CNTLN: variants seen among roughly 807,000 people sequenced by gnomAD.
The protein encoded by CNTLN is centlein.
In CNTLN, 212 loss-of-function variants were observed where a neutral mutation model predicts 180.0. The observed-to-expected ratio is 1.18, with a 90% CI of 1.05 to 1.32. CNTLN has a LOEUF of 1.32. Ranked by LOEUF, CNTLN falls within the 40% of genes most tolerant of loss-of-function variation. The pLI is 0.00. For synonymous variants in CNTLN, 722 were observed against 563.1 expected (o/e 1.28, Z -3.99); for missense variants, 2,095 against 1,610.9 (o/e 1.30, Z -5.14).
chr9:17,416,095 T>A lies in CNTLN; in HGVS notation c.3020T>A (p.Leu1007Ter). The A allele has an allele frequency of 4.3e-6, 7 of 1,613,634 alleles. No individual in the cohort carries two copies. The highest frequency in any genetic ancestry group is 5.9e-6 in the Non-Finnish European group (7 of 1,179,744). ...VLQNAKKTAELSVKEYKEVNE... is the reference protein window; with the variant it reads ...VLQNAKKTAE Reference sequence around the variant, plus strand: ...CAGAATGCCAAGAAAACAGCAGAATTGTCTGTTAAAGAATATAAAGAAGTT... The same window carrying A: ...CAGAATGCCAAGAAAACAGCAGAATAGTCTGTTAAAGAATATAAAGAAGTT... The change falls in exon 18 of 26, where the codon TTG (leucine) becomes TAG (stop). Residue 1007 changes from leucine to a stop codon, truncating the protein, a stop_gained. Coordinates refer to ENST00000380647, the MANE Select transcript of CNTLN (RefSeq NM_017738.4). LOFTEE classifies it high-confidence loss of function.
intron 18 of CNTLN, among the ~76,000 whole-genome samples, chr9:17,438,047 G>A (rs1209289551): frequency 6.6e-6 from 1 of 152,236 alleles, no homozygotes; most frequent in East Asian, 1.9e-4. Context: ...TGAATAATCT[G>A]GTTTGGCTGT....
chr9:17,178,700 A>C (rs886585556), intron 2 of CNTLN, among the ~76,000 whole-genome samples: 1 of 151,836 alleles, frequency 6.6e-6, no homozygotes, highest in Non-Finnish European at 1.5e-5. Flanking sequence ...CCGAGCCCAC[A>C]CCCACCCGGA....
intron 2 of CNTLN, among the ~76,000 whole-genome samples, chr9:17,199,066 A>AATGGTAT (rs1035358205): frequency 6.6e-6 from 1 of 152,082 alleles, no homozygotes; most frequent in Non-Finnish European, 1.5e-5. Context: ...TGCTGAGTCA[A>AATGGTAT]ATGGTATTTC....
chr9:17,313,991 C>T (rs1254213961), intron 8 of CNTLN, among the ~76,000 whole-genome samples: 2 of 152,060 alleles, frequency 1.3e-5, no homozygotes, highest in African/African-American at 4.8e-5. Flanking sequence ...GCCTTGGCCT[C>T]CTGAAGTGCT....
At chr9:17,203,761 G>A (rs1822719358) in intron 2 of CNTLN, among the ~76,000 whole-genome samples, 1 of 152,274 alleles carries the variant, frequency 6.6e-6, no homozygotes, top group African/African-American at 2.4e-5. Flanking sequence ...GTTTCACCAC[G>A]TTAGCCAGGA....
intron 25 of CNTLN, chr9:17,494,923 C>G (rs768664571): frequency 1.1e-4 from 48 of 423,556 alleles, no homozygotes; most frequent in African/African-American, 9.0e-4. Flanking sequence ...GCTCTGTCTC[C>G]CAGGCTGAAG....
chr9:17,190,152 C>G (rs899413013), intron 2 of CNTLN, among the ~76,000 whole-genome samples: 45 of 149,110 alleles, frequency 3.0e-4, no homozygotes, highest in African/African-American at 6.2e-4. Flanking sequence ...AACACTGTCT[C>G]TATCTAGTAA....
intron 6 of CNTLN, among the ~76,000 whole-genome samples, chr9:17,287,520 A>C (rs1829064129): frequency 1.3e-5 from 2 of 151,386 alleles, no homozygotes; most frequent in Middle Eastern, 6.9e-3. Context: ...TGCTGGCCTC[A>C]TAAAATGAGT....
intron 15 of CNTLN, among the ~76,000 whole-genome samples, chr9:17,407,880 C>G (rs1827516032): frequency 6.6e-6 from 1 of 152,014 alleles, no homozygotes; most frequent in Non-Finnish European, 1.5e-5. Flanking sequence ...AATCCCAGCA[C>G]TTTGGGAGGC....
intron 2 of CNTLN, among the ~76,000 whole-genome samples, chr9:17,157,153 A>G (rs1819352807): frequency 6.6e-6 from 1 of 152,186 alleles, no homozygotes; most frequent in African/African-American, 2.4e-5. Flanking sequence ...TTCAGCCAGC[A>G]TGTTTTGAGA....
At chr9:17,352,416 A>ATATATATATATATATATATAT (rs1469636947) in intron 12 of CNTLN, among the ~76,000 whole-genome samples, 1 of 31,304 alleles carries the variant, frequency 3.2e-5, no homozygotes, top group African/African-American at 1.2e-4. Context: ...ATATATATAT[A>ATATATATATATATATATATAT]TTTTTTTTTT....
At chr9:17,377,894 T>C (rs1824909626) in intron 13 of CNTLN, among the ~76,000 whole-genome samples, 2 of 152,220 alleles carry the variant, frequency 1.3e-5, no homozygotes, top group East Asian at 3.9e-4. Context: ...AAATAGAATA[T>C]GTCAATATAA....
chr9:17,292,321 T>TG (rs1829470887), intron 6 of CNTLN, among the ~76,000 whole-genome samples: 1 of 152,184 alleles, frequency 6.6e-6, no homozygotes, highest in African/African-American at 2.4e-5. Flanking sequence ...GAGGGTTCTT[T>TG]GGATTTCATG....
intron 18 of CNTLN, among the ~76,000 whole-genome samples, chr9:17,431,065 C>T (rs1483555271): frequency 6.6e-6 from 1 of 151,898 alleles, no homozygotes; most frequent in Admixed American, 6.6e-5. Context: ...AGCTGTATAC[C>T]CCAGTAATGG....
chr9:17,514,852 G>A, the CNTLN span, among the ~76,000 whole-genome samples: 1 of 152,176 alleles, frequency 6.6e-6, no homozygotes, highest in East Asian at 1.9e-4. Flanking sequence ...TCTGAACCAT[G>A]TGCCTTTATG....
chr9:17,359,611 G>A (rs1158817233), intron 12 of CNTLN, among the ~76,000 whole-genome samples: 1 of 150,898 alleles, frequency 6.6e-6, no homozygotes, highest in African/African-American at 2.4e-5. Flanking sequence ...GCCGAGTGCG[G>A]TGGCTCACGC....
rs1021957528 is a variant in CNTLN, at chr9:17,414,579, A to G, written c.2797-1209A>G. Among the ~76,000 whole-genome samples, 5 of 152,212 alleles carry G rather than the reference A, an allele frequency of 3.3e-5. No homozygotes were observed. The East Asian group carries it at 9.6e-4, about 29-fold the overall frequency. On this transcript the variant is annotated intron_variant, in intron 16 of 25. Transcript: ENST00000380647. The stretch of plus-strand genomic sequence containing the variant: ...ATAAGCTTAAATGAAGCATTTCAAA[A>G]ATATTTTGAGAAATGAAACATTGTT...
At chr9:17,430,154 T>C (rs1829331402) in intron 18 of CNTLN, among the ~76,000 whole-genome samples, 2 of 151,988 alleles carry the variant, frequency 1.3e-5, no homozygotes, top group Non-Finnish European at 2.9e-5. Flanking sequence ...TAAATGTAAC[T>C]AATATAAAAT....
At position 17,135,042 on chromosome 9, in the gene CNTLN, C is replaced by G. The variant is rs1817596690; in HGVS notation, c.-24C>G. 1.3e-6 allele frequency: 2 copies of G among 1,584,628 alleles called. No homozygotes were observed. The highest frequency in any genetic ancestry group is 1.7e-5 in the Admixed American group (1 of 58,434). On this transcript the variant is annotated 5_prime_UTR_variant, in exon 1 of 26. Coordinates refer to ENST00000380647, the MANE Select transcript of CNTLN (RefSeq NM_017738.4). ...GGGAGGTGGAGTTTCCAACAGGGAA[C>G]TTGACCCGTTAGCAGCCGCAGCCAT...
Sources: allele counts gnomAD v4.1 joint callset (sites outside exome capture counted in the v4.1 genomes callset), GRCh38; gene constraint gnomAD v4.1.1; transcripts MANE v1.5; gene names NCBI Gene and HGNC (gene_info 2026-07-23, HGNC 2026-07-21).